Variants in TTI1 observed in about 807,000 individuals in gnomAD.
TTI1 encodes TELO2 interacting protein 1.
A neutral mutation model predicts 85.4 loss-of-function variants in TTI1; 52 were observed. That is an observed-to-expected ratio of 0.61 (90% CI 0.49 to 0.77). The LOEUF (loss-of-function observed/expected upper bound fraction) is 0.77. Among genes scored for constraint, TTI1 ranks in the 30% least tolerant of loss-of-function variants. TTI1 has a pLI of 0.00. For missense variants in TTI1, 1,173 were observed against 1,296.0 expected, an observed-to-expected ratio of 0.91 and a Z score of 1.46; for synonymous variants, 512 against 503.9, an observed-to-expected ratio of 1.02 and a Z score of -0.22.
chr20:37,992,077 C>T (rs996513453), intron 7 of TTI1, among the ~76,000 whole-genome samples: 7 of 152,182 alleles, frequency 4.6e-5, no homozygotes, highest in Non-Finnish European at 7.3e-5. Flanking sequence ...ACCTCCCCAG[C>T]GCCCCATCAG....
At chr20:38,030,562 C>CACACA (rs11474348) in intron 1 of TTI1, among the ~76,000 whole-genome samples, 2 of 150,852 alleles carry the variant, frequency 1.3e-5, no homozygotes, top group Non-Finnish European at 3.0e-5. Flanking sequence ...CACACACACA[C>CACACA]CATGATAAAG....
intron 7 of TTI1, among the ~76,000 whole-genome samples, chr20:37,986,351 A>C (rs1278686449): frequency 6.6e-6 from 1 of 152,108 alleles, no homozygotes; most frequent in Non-Finnish European, 1.5e-5. Context: ...CTAAATATGA[A>C]TGTCGTATTT....
At chr20:38,005,978 T>C (rs2073491654) in intron 3 of TTI1, 4 of 525,354 alleles carry the variant, frequency 7.6e-6, no homozygotes, top group Non-Finnish European at 1.3e-5. Context: ...TGCTTATAAC[T>C]AAACACAAAA....
Position 38,012,697 on chromosome 20 carries a change from A to T in TTI1, c.1120T>A (p.Leu374Met). 1 of 1,614,242 alleles carries T rather than the reference A, an allele frequency of 6.2e-7. No homozygotes were observed. The highest frequency in any genetic ancestry group is 8.5e-7 in the Non-Finnish European group (1 of 1,180,042). ...GCAAGGGAATGCAGGCTTTCTGACAAGATGTCAGCGAGGGCTTTGTTGCCC... is the reference window on the plus strand; with the variant it reads ...GCAAGGGAATGCAGGCTTTCTGACATGATGTCAGCGAGGGCTTTGTTGCCC... ...VVGNKALADI[L>M]SESLHSLATS... Residue 374 changes from leucine (L) to methionine (M), a missense_variant, in exon 2 of 8, where the codon TTG becomes ATG. Leu to Met is a conservative substitution (Grantham distance 15). Coordinates refer to ENST00000373447, the MANE Select transcript of TTI1 (RefSeq NM_001303457.2).
At chr20:38,029,662 C>A (rs1306184075) in intron 1 of TTI1, among the ~76,000 whole-genome samples, 3 of 152,036 alleles carry the variant, frequency 2.0e-5, no homozygotes, top group Non-Finnish European at 4.4e-5. Flanking sequence ...GTACTACAGA[C>A]CCTGCAGACA....
intron 1 of TTI1, among the ~76,000 whole-genome samples, chr20:38,028,893 G>A (rs1026675069): frequency 2.0e-5 from 3 of 152,092 alleles, no homozygotes; most frequent in African/African-American, 7.2e-5. Flanking sequence ...ATTTTTTAAA[G>A]ACCGAGTTTC....
intron 1 of TTI1, among the ~76,000 whole-genome samples, chr20:38,024,392 T>C (rs1014254688): frequency 1.3e-5 from 2 of 152,136 alleles, no homozygotes; most frequent in African/African-American, 2.4e-5. Flanking sequence ...GGACATTATA[T>C]ATAAAGCAAA....
intron 7 of TTI1, among the ~76,000 whole-genome samples, chr20:37,988,705 A>G (rs2073223761): frequency 6.6e-6 from 1 of 152,206 alleles, no homozygotes; most frequent in Non-Finnish European, 1.5e-5. Flanking sequence ...CTTCTAAAGA[A>G]GTTACTCAGA....
In TTI1 at chr20:37,996,925, C is replaced by T. The variant is rs1191541809; in HGVS notation, c.2822G>A (p.Gly941Asp). The T allele has an allele frequency of 6.2e-7, 1 of 1,614,028 alleles. No homozygotes were observed. The highest frequency in any genetic ancestry group is 2.2e-5 in the East Asian group (1 of 44,876). Residue 941 changes from glycine (G) to aspartate (D), a missense_variant, in exon 6 of 8, where the codon GGT becomes GAT. Coordinates refer to ENST00000373447, the MANE Select transcript of TTI1 (RefSeq NM_001303457.2). ...KVLRTLGSKC[G>D]DFLRSRFCKD... ...GCAGAACCGGCTGCGAAGAAAGTCA[C>T]CACACTTGCTTCCCAGGGTACGTAA...
At position 38,011,954 on chromosome 20, in the gene TTI1, G is replaced by A. The variant is rs375529462; in HGVS notation, c.1863C>T (p.Asn621=). 9 of 1,614,124 alleles carry A rather than the reference G, an allele frequency of 5.6e-6. 1 individual carries two copies. The highest frequency in any genetic ancestry group is 1.6e-4 in the Middle Eastern group (1 of 6,084). ...GAATGCATATTTGCCAGATGTTACT[G>A]TTCATGGAGCAAATAGTGGGACTTG... The part of the protein sequence containing the change: ...SKPSPTICSM[N]SNIWQICIQL... The change falls in exon 2 of 8, where the codon AAC becomes AAT. Residue 621 remains asparagine (N), a synonymous_variant. Coordinates refer to ENST00000373447, the MANE Select transcript of TTI1 (RefSeq NM_001303457.2).
chr20:38,032,489 C>T (rs1223694932), intron 1 of TTI1, among the ~76,000 whole-genome samples: 1 of 152,164 alleles, frequency 6.6e-6, no homozygotes, highest in East Asian at 1.9e-4. Flanking sequence ...TACCATCACC[C>T]CCGTGGCAGT....
Position 38,012,158 on chromosome 20 carries a change from C to T in TTI1, c.1659G>A (p.Leu553=). 6.2e-7 allele frequency: 1 copy of T among 1,614,200 alleles called. No individual in the cohort carries two copies. Among genetic ancestry groups the T allele is most frequent in the East Asian group, 2.2e-5 (1 of 44,878 alleles). Reference sequence around the variant, plus strand: ...CAAGTATAGATGTCACAATCTCTCTCAGTTCTTCTGGGTTTGTTTTAATAT... The same window carrying T: ...CAAGTATAGATGTCACAATCTCTCTTAGTTCTTCTGGGTTTGTTTTAATAT... The part of the protein sequence containing the change: ...EKHIKTNPEE[L]REIVTSILEE... The change falls in exon 2 of 8, where the codon CTG becomes CTA. Residue 553 remains leucine, a synonymous_variant. Transcript: ENST00000373447.
rs1389287481 is a variant in TTI1 at position 38,013,672 on chromosome 20, G to A, written c.145C>T (p.Gln49Ter). ...CGCAGAGGGAAGAGGATGTACTGCTGAAGTTCCTGAAGGGCACTGTCACTC... is the reference window on the plus strand; with the variant it reads ...CGCAGAGGGAAGAGGATGTACTGCTAAAGTTCCTGAAGGGCACTGTCACTC... ...AVSDSALQEL[Q>*]QYILFPLRFT... The change falls in exon 2 of 8, where the codon CAG becomes TAG. Residue 49 changes from glutamine to a stop codon, truncating the protein, a stop_gained. Transcript: ENST00000373447. LOFTEE classifies it high-confidence loss of function. 4 of 1,614,232 alleles carry A rather than the reference G, an allele frequency of 2.5e-6. No individual in the cohort carries two copies. The highest frequency in any genetic ancestry group is 3.4e-6 in the Non-Finnish European group (4 of 1,180,046).
intron 2 of TTI1, among the ~76,000 whole-genome samples, chr20:38,008,771 C>G (rs1405520565): frequency 6.6e-6 from 1 of 152,178 alleles, no homozygotes; most frequent in Admixed American, 6.5e-5. Flanking sequence ...ACAGAAATGA[C>G]AGCAAAAGGT....
rs370637890 is a variant in TTI1 at position 37,995,878 on chromosome 20, A to G, written c.3086+497T>C. On this transcript the variant is annotated intron_variant, in intron 7 of 7. Transcript: ENST00000373447. ...CACAGATTCCTATTAGAACCTATGAATGGTTCCTATTAGAAAAAGGCACAT... is the reference window on the plus strand; with the variant it reads ...CACAGATTCCTATTAGAACCTATGAGTGGTTCCTATTAGAAAAAGGCACAT... Among the ~76,000 whole-genome samples the G allele has an allele frequency of 1.9e-4, 29 of 152,330 alleles. No homozygotes were observed. The East Asian group carries it at 4.8e-3, about 25-fold the overall frequency.
rs1568856368 is a variant in TTI1, at chr20:37,983,455, GT to G, written c.3270del (p.Ter1090CysfsTer53). ...GTGGCCTCTGTGGTGGGGGAGCAGGGTCACTGCAGCTCCTTGAGCAGCTGGA... is the reference window on the plus strand; with the variant it reads ...GTGGCCTCTGTGGTGGGGGAGCAGGGCACTGCAGCTCCTTGAGCAGCTGGA... ...NVLQLLKELQ[*>X] On this transcript the variant is annotated frameshift_variant and stop_lost, in exon 8 of 8. Coordinates refer to ENST00000373447, the MANE Select transcript of TTI1 (RefSeq NM_001303457.2). LOFTEE classifies it high-confidence loss of function. The G allele has an allele frequency of 6.2e-7, 1 of 1,609,496 alleles. No individual in the cohort carries two copies. Among genetic ancestry groups the G allele is most frequent in the African/African-American group, 1.3e-5 (1 of 74,964 alleles).
chr20:37,996,132 C>T (rs1460193478), intron 7 of TTI1, among the ~76,000 whole-genome samples: 1 of 152,158 alleles, frequency 6.6e-6, no homozygotes, highest in Non-Finnish European at 1.5e-5. Flanking sequence ...TCTAGCACAC[C>T]GTCTTTCTGC....
chr20:38,007,649 T>G (rs2073520837), intron 2 of TTI1, among the ~76,000 whole-genome samples: 1 of 152,244 alleles, frequency 6.6e-6, no homozygotes, highest in African/African-American at 2.4e-5. Context: ...TCCAGTGCCC[T>G]CCTTTTGCAG....
chr20:38,013,595 C>T lies in TTI1; in HGVS notation c.222G>A (p.Val74=). The change falls in exon 2 of 8, where the codon GTG becomes GTA. Residue 74 remains valine (V), a synonymous_variant. Transcript: ENST00000373447. The part of the protein sequence containing the change: ...GPKRERLIQS[V]VECLTFVLSS... ...AAAGGACAAATGTGAGGCATTCCAC[C>T]ACACTTTGGATCAAACGCTCTCTTT... The T allele has an allele frequency of 1.9e-6, 3 of 1,614,198 alleles. No homozygotes were observed. Among genetic ancestry groups the T allele is most frequent in the Non-Finnish European group, 2.5e-6 (3 of 1,180,038 alleles).
Sources: allele counts gnomAD v4.1 joint callset (sites outside exome capture counted in the v4.1 genomes callset), GRCh38; gene constraint gnomAD v4.1.1; transcripts MANE v1.5; gene names NCBI Gene and HGNC (gene_info 2026-07-23, HGNC 2026-07-21).